The following HSF2 variants were observed in gnomAD, a reference collection of about 807,000 sequenced individuals.
The protein encoded by HSF2 is heat shock transcription factor 2, also known as heat shock factor protein 2.
A neutral mutation model predicts 65.0 loss-of-function variants in HSF2; 21 were observed. The observed-to-expected ratio is 0.32, with a 90% CI of 0.23 to 0.47. HSF2 has a LOEUF of 0.47. Ranked by LOEUF, HSF2 falls within the 20% of genes least tolerant of loss-of-function variation. The pLI, the probability that HSF2 is intolerant of heterozygous loss-of-function variation, is 1.00. For missense variants in HSF2, 499 were observed against 628.1 expected, an observed-to-expected ratio of 0.79 and a Z score of 2.20; for synonymous variants, 225 against 219.1, an observed-to-expected ratio of 1.03 and a Z score of -0.24.
At chr6:122,400,808 T>G (rs140349638) in intron 1 of HSF2, among the ~76,000 whole-genome samples, 1 of 152,236 alleles carries the variant, frequency 6.6e-6, no homozygotes. Context: ...TTAACTCTTA[T>G]TGTAGATGAT....
intron 11 of HSF2, among the ~76,000 whole-genome samples, chr6:122,428,413 T>C (rs759488149): frequency 6.6e-6 from 1 of 151,950 alleles, no homozygotes; most frequent in Non-Finnish European, 1.5e-5. Flanking sequence ...TTGAAACGTA[T>C]GAATATTTGA....
chr6:122,411,483 C>T (rs941774006), intron 1 of HSF2, among the ~76,000 whole-genome samples: 9 of 151,754 alleles, frequency 5.9e-5, no homozygotes, highest in Non-Finnish European at 1.0e-4. Flanking sequence ...CTTTTGTTGC[C>T]TGTACTTTTA....
At chr6:122,400,624 T>C (rs1165186852) in intron 1 of HSF2, among the ~76,000 whole-genome samples, 4 of 152,176 alleles carry the variant, frequency 2.6e-5, no homozygotes, top group African/African-American at 9.7e-5. Context: ...CAGCCCTTTA[T>C]CTTGTCTGGC....
intron 7 of HSF2, 48 bp from the exon 8 acceptor site, chr6:122,422,102 A>T (rs1275212862): frequency 7.8e-7 from 1 of 1,287,956 alleles, no homozygotes. Context: ...CTTGTTTGGT[A>T]GTCAATGATT....
Position 122,413,495 on chromosome 6 carries a change from C to T in HSF2, c.331-30C>T, listed in dbSNP as rs200212815. On this transcript the variant is annotated intron_variant, in intron 3 of 12. Coordinates refer to ENST00000368455, the MANE Select transcript of HSF2 (RefSeq NM_004506.4). ...TTACAATCATGGGTGTTTACTGTTT[C>T]TTTGATTTTCTAAATTTACTTTTTC... 2,589 of 1,501,640 alleles carry T rather than the reference C, an allele frequency of 1.7e-3. 1 individual carries two copies. The highest frequency in any genetic ancestry group is 2.1e-3 in the Non-Finnish European group (2,261 of 1,092,282). 93.0% of individuals were successfully genotyped at this position (1,501,640 alleles called of 1,614,324 possible). A position where few individuals can be genotyped will look rare whatever the true frequency, so the allele number is the denominator to read the frequency against.
intron 1 of HSF2, among the ~76,000 whole-genome samples, chr6:122,400,803 T>C (rs899147797): frequency 6.6e-6 from 1 of 152,224 alleles, no homozygotes; most frequent in African/African-American, 2.4e-5. Flanking sequence ...AGTGGTTAAC[T>C]CTTATTGTAG....
chr6:122,422,275 G>T lies in HSF2; in HGVS notation c.807G>T (p.Glu269Asp). Residue 269 changes from glutamate to aspartate, a missense_variant, in exon 8 of 13, where the codon GAG becomes GAT. Glu to Asp is a conservative substitution (Grantham distance 45). Around this residue, in one of 2 missense-constraint regions of HSF2, gnomAD observed 349 missense variants for 393.5 expected, o/e 0.89. Transcript: ENST00000368455. ...TCCCAGTTATTCCAGAAACTAATGA[G>T]GATGTTATATCTGATCCCTCCAAGT... The part of the protein sequence containing the change: ...ENIPVIPETN[E>D]DVISDPSNCS... 6.3e-7 allele frequency: 1 copy of T among 1,599,042 alleles called. No homozygotes were observed.
intron 1 of HSF2, among the ~76,000 whole-genome samples, chr6:122,407,699 C>A (rs965670697): frequency 6.6e-6 from 1 of 152,066 alleles, no homozygotes; most frequent in African/African-American, 2.4e-5. Context: ...TTGTCTAGCA[C>A]CTTTACTGAG....
intron 1 of HSF2, among the ~76,000 whole-genome samples, chr6:122,400,301 C>G (rs1773698249): frequency 6.6e-6 from 1 of 152,188 alleles, no homozygotes; most frequent in Non-Finnish European, 1.5e-5. Flanking sequence ...GACCGATCAC[C>G]CCCAGTTCCC....
chr6:122,432,224 C>T lies in HSF2; in HGVS notation c.*4C>T. The T allele has an allele frequency of 6.2e-7, 1 of 1,602,282 alleles. No homozygotes were observed. Among genetic ancestry groups the T allele is most frequent in the Non-Finnish European group, 8.5e-7 (1 of 1,171,358 alleles). On this transcript the variant is annotated 3_prime_UTR_variant, in exon 13 of 13. Transcript: ENST00000368455. ...TATGCCACTTTTAGATAGCTAAATC[C>T]CCAGGAAGTGGACTTTACATGTATA...
At chr6:122,413,110 T>G (rs540073255) in intron 3 of HSF2, among the ~76,000 whole-genome samples, 15 of 152,140 alleles carry the variant, frequency 9.9e-5, no homozygotes, top group Middle Eastern at 3.4e-3. Flanking sequence ...GCATAATATC[T>G]TTTGGTAAAA....
At chr6:122,401,484 C>T (rs1427615330) in intron 1 of HSF2, among the ~76,000 whole-genome samples, 2 of 152,092 alleles carry the variant, frequency 1.3e-5, no homozygotes, top group Admixed American at 6.5e-5. Flanking sequence ...AGTGGTAGGC[C>T]TATTAAATTC....
intron 7 of HSF2, among the ~76,000 whole-genome samples, chr6:122,421,746 C>G (rs1477207874): frequency 1.3e-5 from 2 of 151,984 alleles, no homozygotes; most frequent in Non-Finnish European, 2.9e-5. Context: ...CATTTCAAAA[C>G]AGAGCATCTT....
chr6:122,426,834 G>C (rs1484835931), intron 10 of HSF2, among the ~76,000 whole-genome samples: 1 of 151,954 alleles, frequency 6.6e-6, no homozygotes, highest in African/African-American at 2.4e-5. Context: ...CATTCCCAAG[G>C]CTCTTATTGC....
chr6:122,419,175 A>G lies in HSF2; in HGVS notation c.539A>G (p.Gln180Arg). The change falls in exon 6 of 13, where the codon CAG becomes CGG. Residue 180 changes from glutamine (Q) to arginine (R), a missense_variant. By Grantham distance (43) the Gln-to-Arg change is conservative (BLOSUM62 1). Transcript: ENST00000368455. ...TGTTTATATTTTTTTCAGATTGTCC[A>G]GTTTATTGTTACATTGGTTCAAAAT... ...QQQQVIRKIV[Q>R]FIVTLVQNNQ... is the part of the protein sequence containing the mutation. 5 of 1,450,756 alleles carry G rather than the reference A, an allele frequency of 3.4e-6. No homozygotes were observed. The highest frequency in any genetic ancestry group is 4.8e-6 in the Non-Finnish European group (5 of 1,039,310). The allele number at this position is 1,450,756 out of a possible 1,614,324, so 89.9% of individuals were successfully genotyped here. A position where few individuals can be genotyped will look rare whatever the true frequency, so the allele number is the denominator to read the frequency against.
At position 122,432,062 on chromosome 6, in the gene HSF2, G is replaced by T; in HGVS notation, c.1453G>T (p.Glu485Ter). 6.2e-7 allele frequency: 1 copy of T among 1,614,094 alleles called. No homozygotes were observed. The highest frequency in any genetic ancestry group is 2.2e-5 in the East Asian group (1 of 44,864). The change falls in exon 13 of 13, where the codon GAG becomes TAG. Residue 485 changes from glutamate to a stop codon, truncating the protein, a stop_gained. Transcript: ENST00000368455. LOFTEE classifies it high-confidence loss of function. The stretch of plus-strand genomic sequence containing the variant: ...TGTAGATAAACCCATAGAAGTTGAT[G>T]AGCTTCTGGATAGCAGCCTAGACCC... ...SSVDKPIEVD[E>*]LLDSSLDPEP...
At chr6:122,409,783 G>C (rs1363527030) in intron 1 of HSF2, among the ~76,000 whole-genome samples, 2 of 151,864 alleles carry the variant, frequency 1.3e-5, no homozygotes, top group Non-Finnish European at 2.9e-5. Flanking sequence ...AGTCTCCATG[G>C]ATAAATTTAT....
intron 5 of HSF2, 22 bp from the exon 6 acceptor site, chr6:122,419,146 T>C (rs747949507): frequency 5.9e-5 from 69 of 1,163,276 alleles, no homozygotes; most frequent in Non-Finnish European, 8.7e-5. Context: ...AATGAAATAA[T>C]TTTTGTTTAT....
At chr6:122,427,701 T>C (rs1774367533) in intron 10 of HSF2, among the ~76,000 whole-genome samples, 1 of 152,106 alleles carries the variant, frequency 6.6e-6, no homozygotes, top group Non-Finnish European at 1.5e-5. Context: ...CCACATGAAA[T>C]TTTATCTAAT....
Sources: gnomAD v4.1 joint callset for allele counts (sites outside exome capture counted in the v4.1 genomes callset) on GRCh38, gnomAD v4.1.1 for gene constraint, gnomAD v4.1.1 regional missense constraint, MANE v1.5 for transcripts, NCBI Gene and HGNC (gene_info 2026-07-23, HGNC 2026-07-21) for gene names.